MPP7: variants seen among roughly 807,000 people sequenced by gnomAD.
The protein encoded by MPP7 is MAGUK p55 subfamily member 7.
MPP7 carries 60 observed loss-of-function variants against 76.5 expected under a neutral mutation model. The observed-to-expected ratio is 0.78, with a 90% confidence interval of 0.64 to 0.97. MPP7 has a LOEUF of 0.97. MPP7 is among the 50% of genes least tolerant of loss of function. MPP7 has a pLI of 0.00. For synonymous variants in MPP7, 237 were observed against 244.5 expected (o/e 0.97, Z 0.29); for missense variants, 641 against 694.0 (o/e 0.92, Z 0.86).
chr10:28,104,870 T>G (rs144742266), intron 11 of MPP7, among the ~76,000 whole-genome samples: 15 of 152,190 alleles, frequency 9.9e-5, no homozygotes, highest in African/African-American at 3.4e-4. Context: ...CTTGCACACA[T>G]TAGAATAAGT....
At chr10:28,061,215 G>C (rs1407916947) in intron 13 of MPP7, among the ~76,000 whole-genome samples, 1 of 151,750 alleles carries the variant, frequency 6.6e-6, no homozygotes, top group Non-Finnish European at 1.5e-5. Flanking sequence ...AAAGATAACA[G>C]ATAGCAACCC....
chr10:28,123,353 T>C (rs1325262235), intron 8 of MPP7, among the ~76,000 whole-genome samples: 1 of 151,930 alleles, frequency 6.6e-6, no homozygotes, highest in Non-Finnish European at 1.5e-5. Flanking sequence ...ATCTATAGCA[T>C]GGAATGTGAC....
At chr10:28,056,066 T>C (rs1851541822) in intron 16 of MPP7, among the ~76,000 whole-genome samples, 1 of 152,184 alleles carries the variant, frequency 6.6e-6, no homozygotes, top group South Asian at 2.1e-4. Flanking sequence ...GCTTATATCT[T>C]ATCTCCAAGC....
chr10:28,086,385 A>T (rs1193704249), intron 12 of MPP7, among the ~76,000 whole-genome samples: 1 of 152,214 alleles, frequency 6.6e-6, no homozygotes, highest in Non-Finnish European at 1.5e-5. Context: ...TCAATTCAGA[A>T]TTCGGGTACC....
At chr10:28,143,289 T>C (rs543188336) in intron 5 of MPP7, among the ~76,000 whole-genome samples, 2 of 152,306 alleles carry the variant, frequency 1.3e-5, no homozygotes, top group East Asian at 1.9e-4. Flanking sequence ...TAGGAAAAGA[T>C]ATGCATCCGC....
At chr10:28,306,284 A>T (rs921962077), upstream of MPP7, among the ~76,000 whole-genome samples, 1 of 152,204 alleles carries the variant, frequency 6.6e-6, no homozygotes, top group African/African-American at 2.4e-5. Flanking sequence ...TGATCTTTGA[A>T]ATATTTGGCA....
At chr10:28,201,053 C>T (rs1295324302) in intron 3 of MPP7, among the ~76,000 whole-genome samples, 1 of 152,156 alleles carries the variant, frequency 6.6e-6, no homozygotes, top group African/African-American at 2.4e-5. Flanking sequence ...AATAAATCCC[C>T]AGAGGGCAAC....
At chr10:28,119,189 G>T in intron 11 of MPP7, 2 of 393,552 alleles carry the variant, frequency 5.1e-6, no homozygotes, top group Non-Finnish European at 6.9e-6. Context: ...ATAGGCTAAA[G>T]GTCAGAAGTA....
At chr10:28,294,234 G>A (rs1334322019) in intron 1 of MPP7, among the ~76,000 whole-genome samples, 4 of 152,226 alleles carry the variant, frequency 2.6e-5, no homozygotes, top group African/African-American at 7.2e-5. Flanking sequence ...GTGAAGCCGG[G>A]AGGTGGAACC....
chr10:28,160,660 G>A (rs1836228997), intron 3 of MPP7, among the ~76,000 whole-genome samples: 1 of 152,120 alleles, frequency 6.6e-6, no homozygotes. Flanking sequence ...ACAAATAAAA[G>A]GAAATCTAAC....
chr10:28,327,578 GTTTA>G (rs1370982281), intron 2 of MPP7, among the ~76,000 whole-genome samples: 3 of 152,052 alleles, frequency 2.0e-5, no homozygotes, highest in Non-Finnish European at 2.9e-5. Flanking sequence ...CTGAGTTCTA[GTTTA>G]TTTATTTATT....
rs575913558 is a variant in MPP7 at position 28,282,137 on chromosome 10, T to C, written c.-132+20724A>G. ...GCACAGGTGGTTCCTGTTAGTTCCA[T>C]TGGCACTGTGATGTAATCTCTGACA... is the stretch of plus-strand genomic sequence containing the variant. On this transcript the variant is annotated intron_variant, in intron 1 of 16. Coordinates refer to ENST00000683449, the MANE Select transcript of MPP7 (RefSeq NM_001318170.2). The C allele has an allele frequency of 2.9e-4, 44 of 152,234 alleles. 1 individual carries two copies. The highest frequency in any genetic ancestry group is 1.0e-3 in the African/African-American group (43 of 41,466). 9.4% of individuals were successfully genotyped at this position (152,234 alleles called of 1,614,324 possible).
chr10:28,284,094 C>A (rs977943154), intron 1 of MPP7, among the ~76,000 whole-genome samples: 1 of 152,042 alleles, frequency 6.6e-6, no homozygotes, highest in African/African-American at 2.4e-5. Context: ...AGACACTGAA[C>A]TGAAAACAAC....
chr10:28,242,210 AATT>A (rs1413160587), intron 1 of MPP7, among the ~76,000 whole-genome samples: 2 of 152,222 alleles, frequency 1.3e-5, no homozygotes, highest in East Asian at 3.8e-4. Context: ...CTACTTTAAT[AATT>A]ATGTTAGCAA....
At chr10:28,065,430 C>T (rs1851951117) in intron 13 of MPP7, among the ~76,000 whole-genome samples, 1 of 152,138 alleles carries the variant, frequency 6.6e-6, no homozygotes, top group Admixed American at 6.5e-5. Flanking sequence ...ATGTCAGTGC[C>T]TAATTGTAAT....
At chr10:28,185,937 G>T (rs569243490) in intron 3 of MPP7, among the ~76,000 whole-genome samples, 1 of 152,244 alleles carries the variant, frequency 6.6e-6, no homozygotes, top group South Asian at 2.1e-4. Flanking sequence ...GTGTGAACTA[G>T]CCTCCACACA....
chr10:28,189,510 G>A (rs1205272131), intron 3 of MPP7, among the ~76,000 whole-genome samples: 1 of 141,756 alleles, frequency 7.1e-6, no homozygotes, highest in Non-Finnish European at 1.5e-5. Context: ...AATCAGGGCT[G>A]CAATGAGCCA....
At chr10:28,056,737 C>A in intron 15 of MPP7, 114 bp from the exon 16 acceptor site, 1 of 801,828 alleles carries the variant, frequency 1.2e-6, no homozygotes, top group Non-Finnish European at 1.8e-6. Context: ...GTAGTCATTT[C>A]AATATATTAT....
At chr10:28,251,885 C>T (rs1021824283) in intron 1 of MPP7, among the ~76,000 whole-genome samples, 9 of 152,112 alleles carry the variant, frequency 5.9e-5, no homozygotes, top group Admixed American at 2.0e-4. Flanking sequence ...AGTAATGACC[C>T]CCATCTCTAA....
Sources: gnomAD v4.1 joint callset for allele counts (sites outside exome capture counted in the v4.1 genomes callset) on GRCh38, gnomAD v4.1.1 for gene constraint, MANE v1.5 for transcripts, NCBI Gene and HGNC (gene_info 2026-07-23, HGNC 2026-07-21) for gene names.